Variants in ATP8A1 observed in about 807,000 individuals in gnomAD.
ATP8A1 encodes ATPase phospholipid transporting 8A1.
In ATP8A1, 90 loss-of-function variants were observed where a neutral mutation model predicts 177.7. That is an observed-to-expected ratio of 0.51 (90% CI 0.43 to 0.60). ATP8A1 has a LOEUF of 0.60. Ranked by LOEUF, ATP8A1 falls within the 20% of genes least tolerant of loss-of-function variation. The pLI is 0.00. For synonymous variants in ATP8A1, 493 were observed against 485.9 expected (o/e 1.01, Z -0.19); for missense variants, 1,072 against 1,392.8 (o/e 0.77, Z 3.67).
chr4:42,610,783 C>G (rs1293938489), intron 5 of ATP8A1, among the ~76,000 whole-genome samples: 2 of 152,094 alleles, frequency 1.3e-5, no homozygotes, highest in African/African-American at 4.8e-5. Context: ...CATAAATATG[C>G]TTAATTTTAA....
chr4:42,647,305 CAAGT>C (rs1238932140), intron 1 of ATP8A1, among the ~76,000 whole-genome samples: 1 of 152,112 alleles, frequency 6.6e-6, no homozygotes, highest in Non-Finnish European at 1.5e-5. Context: ...TAAATCCTAA[CAAGT>C]AAGCATATGC....
chr4:42,563,096 C>A (rs1045954425), intron 15 of ATP8A1, among the ~76,000 whole-genome samples: 1 of 152,096 alleles, frequency 6.6e-6, no homozygotes, highest in African/African-American at 2.4e-5. Flanking sequence ...CAGAAGAAGA[C>A]AAGAAAATGT....
chr4:42,616,007 G>A, intron 5 of ATP8A1, 26 bp downstream of exon 5: 1 of 1,581,462 alleles, frequency 6.3e-7, no homozygotes, highest in Non-Finnish European at 8.7e-7. Flanking sequence ...TGACAAATAT[G>A]AGAAAAAAGC....
At chr4:42,521,015 G>A (rs1578097658) in intron 22 of ATP8A1, among the ~76,000 whole-genome samples, 1 of 152,128 alleles carries the variant, frequency 6.6e-6, no homozygotes, top group South Asian at 2.1e-4. Context: ...AGGAGCAGAG[G>A]GGGGAAATAG....
At chr4:42,590,692 TA>T (rs1734075068) in intron 7 of ATP8A1, 118 bp downstream of exon 7, 4 of 853,284 alleles carry the variant, frequency 4.7e-6, no homozygotes, top group South Asian at 4.7e-5. Context: ...CCAAGCAGTA[TA>T]AAAAGTTTGT....
chr4:42,610,903 A>C (rs1736300192), intron 5 of ATP8A1, among the ~76,000 whole-genome samples: 1 of 152,272 alleles, frequency 6.6e-6, no homozygotes, highest in African/African-American at 2.4e-5. Flanking sequence ...ATGTGGGGGT[A>C]CCTCCAGAGA....
intron 22 of ATP8A1, among the ~76,000 whole-genome samples, chr4:42,520,939 G>C (rs1265628503): frequency 6.6e-6 from 1 of 152,076 alleles, no homozygotes; most frequent in Non-Finnish European, 1.5e-5. Flanking sequence ...GTAACCTTGT[G>C]CAATAAAGAA....
At chr4:42,484,840 G>T (rs1365474258) in intron 25 of ATP8A1, among the ~76,000 whole-genome samples, 1 of 152,150 alleles carries the variant, frequency 6.6e-6, no homozygotes, top group Non-Finnish European at 1.5e-5. Context: ...GATCACAAAA[G>T]AGGAGACTGG....
chr4:42,461,609 T>C (rs867912191), intron 27 of ATP8A1, among the ~76,000 whole-genome samples: 1 of 152,146 alleles, frequency 6.6e-6, no homozygotes, highest in South Asian at 2.1e-4. Context: ...TTTTGTAAAT[T>C]GCCCAGTTTT....
chr4:42,440,155 C>T (rs113574478), intron 33 of ATP8A1, among the ~76,000 whole-genome samples: 4 of 152,110 alleles, frequency 2.6e-5, no homozygotes, highest in Non-Finnish European at 4.4e-5. Context: ...ATTGGCTCTG[C>T]CCTCAAACTG....
In ATP8A1 at chr4:42,586,439, CT is replaced by C; in HGVS notation, c.631del (p.Ser211ValfsTer2). 1 of 1,614,112 alleles carries C rather than the reference CT, an allele frequency of 6.2e-7. No homozygotes were observed. The highest frequency in any genetic ancestry group is 8.5e-7 in the Non-Finnish European group (1 of 1,179,988). On this transcript the variant is annotated frameshift_variant, in exon 9 of 37. Transcript: ENST00000381668. LOFTEE classifies it high-confidence loss of function. The stretch of plus-strand genomic sequence containing the variant: ...AATTCTGCCAGAAATCCTCATCAAA[CT>C]GTCAACGTCTTTGATATCTGATGTT... ...PATSDIKDVD[S>X]LMRISGRIEC...
Position 42,656,776 on chromosome 4 carries a change from C to T in ATP8A1, c.49+49G>A, listed in dbSNP as rs760979340. The stretch of plus-strand genomic sequence containing the variant: ...GGATAAACACACACGCTCACACACA[C>T]ACTCGCTTCCCGACCCCGGGCTAGC... On this transcript the variant is annotated intron_variant, in intron 1 of 36. Transcript: ENST00000381668. 6 of 1,507,150 alleles carry T rather than the reference C, an allele frequency of 4.0e-6. No individual in the cohort carries two copies. The Admixed American group carries it at 6.2e-5, about 15-fold the overall frequency. 93.4% of individuals were successfully genotyped at this position (1,507,150 alleles called of 1,614,324 possible).
chr4:42,601,946 A>G (rs1735315689), intron 5 of ATP8A1, among the ~76,000 whole-genome samples: 1 of 152,142 alleles, frequency 6.6e-6, no homozygotes, highest in Admixed American at 6.5e-5. Context: ...TTAAATTAAA[A>G]TATTATCTGT....
At chr4:42,485,799 A>G (rs1377386913) in intron 24 of ATP8A1, 131 bp from the exon 25 acceptor site, 1 of 738,906 alleles carries the variant, frequency 1.4e-6, no homozygotes, top group Non-Finnish European at 2.1e-6. Flanking sequence ...GCTTTCACAT[A>G]CTTTCAGTCA....
intron 1 of ATP8A1, 116 bp downstream of exon 1, chr4:42,656,709 T>A: frequency 7.9e-7 from 1 of 1,264,298 alleles, no homozygotes; most frequent in Non-Finnish European, 1.1e-6. Context: ...GGCGCGACAG[T>A]CGGACTGCCG....
At chr4:42,510,636 T>C (rs2153195288) in intron 22 of ATP8A1, among the ~76,000 whole-genome samples, 1 of 152,180 alleles carries the variant, frequency 6.6e-6, no homozygotes, top group African/African-American at 2.4e-5. Context: ...AACTAGATAA[T>C]GTGGGAGCCA....
intron 24 of ATP8A1, among the ~76,000 whole-genome samples, chr4:42,493,696 T>C (rs1052429984): frequency 2.0e-5 from 3 of 152,212 alleles, no homozygotes; most frequent in African/African-American, 7.2e-5. Flanking sequence ...GTACTGGCTG[T>C]CTTTCCTCAG....
At chr4:42,428,260 A>C (rs1276001395) in intron 33 of ATP8A1, among the ~76,000 whole-genome samples, 1 of 152,226 alleles carries the variant, frequency 6.6e-6, no homozygotes, top group African/African-American at 2.4e-5. Flanking sequence ...CTGAACTTGA[A>C]GCACAGGCTA....
chr4:42,489,572 AG>A (rs552397247), intron 24 of ATP8A1, among the ~76,000 whole-genome samples: 104 of 152,354 alleles, frequency 6.8e-4, no homozygotes, highest in Non-Finnish European at 1.1e-3. Flanking sequence ...CAACAAAAAA[AG>A]CTGCAAACAT....
Sources: gnomAD v4.1 joint callset for allele counts (sites outside exome capture counted in the v4.1 genomes callset) on GRCh38, gnomAD v4.1.1 for gene constraint, MANE v1.5 for transcripts, NCBI Gene and HGNC (gene_info 2026-07-23, HGNC 2026-07-21) for gene names.